Variants in PTPRS observed in about 807,000 individuals in gnomAD.
PTPRS encodes protein tyrosine phosphatase receptor type S.
Under a neutral mutation model 215.3 loss-of-function variants are expected in PTPRS, and 63 were observed. The observed-to-expected ratio is 0.29, with a 90% CI of 0.24 to 0.36. The LOEUF is 0.36. Ranked by LOEUF, PTPRS falls within the 10% of genes least tolerant of loss-of-function variation. PTPRS has a pLI of 1.00. For missense variants in PTPRS, 2,258 were observed against 2,825.8 expected (o/e 0.80, Z 4.56); for synonymous variants, 1,404 against 1,191.4 (o/e 1.18, Z -3.68).
chr19:5,313,771 C>T (rs895126527), intron 1 of PTPRS, among the ~76,000 whole-genome samples: 1 of 152,016 alleles, frequency 6.6e-6, no homozygotes, highest in Non-Finnish European at 1.5e-5. Context: ...TCAATCCATG[C>T]TTAAGAAGAA....
chr19:5,251,362 C>T (rs896264625), intron 9 of PTPRS, among the ~76,000 whole-genome samples: 1 of 151,634 alleles, frequency 6.6e-6, no homozygotes, highest in African/African-American at 2.4e-5. Flanking sequence ...CCCTGGCCCA[C>T]GGGCTGACCA....
rs751227554 is a variant in PTPRS, at chr19:5,214,542, C to T, written c.4494+19G>A. On this transcript the variant is annotated intron_variant, in intron 29 of 37. Coordinates refer to ENST00000262963, the MANE Select transcript of PTPRS (RefSeq NM_002850.4). ...GGCTGACTGGCAGGGGCTTGAGGGC[C>T]GTGGGGTCCAAGGCTCACCCGTGAC... 4.5e-5 allele frequency: 73 copies of T among 1,611,864 alleles called. No individual in the cohort carries two copies. Among genetic ancestry groups the T allele is most frequent in the Admixed American group, 1.2e-4 (7 of 59,978 alleles).
chr19:5,305,039 A>G (rs2049434531), intron 1 of PTPRS, among the ~76,000 whole-genome samples: 2 of 149,874 alleles, frequency 1.3e-5, no homozygotes, highest in African/African-American at 5.1e-5. Context: ...CCAAGCTCTC[A>G]GGTCCTGGGT....
At chr19:5,272,237 A>G (rs1227331411) in intron 4 of PTPRS, among the ~76,000 whole-genome samples, 1 of 152,082 alleles carries the variant, frequency 6.6e-6, no homozygotes, top group African/African-American at 2.4e-5. Flanking sequence ...TGTTCACAAA[A>G]TTGCTTCCTC....
chr19:5,323,659 G>A (rs1450726845), intron 1 of PTPRS, among the ~76,000 whole-genome samples: 1 of 152,258 alleles, frequency 6.6e-6, no homozygotes, highest in African/African-American at 2.4e-5. Context: ...GTGAGGACGG[G>A]GAGAGAGGAA....
chr19:5,313,962 A>C (rs1230531049), intron 1 of PTPRS, among the ~76,000 whole-genome samples: 1 of 150,920 alleles, frequency 6.6e-6, no homozygotes, highest in Non-Finnish European at 1.5e-5. Context: ...TAATAATAAT[A>C]ATAATAATAA....
intron 7 of PTPRS, among the ~76,000 whole-genome samples, chr19:5,260,455 C>T (rs55747263): frequency 0.15 from 23,393 of 152,186 alleles, 2,233 homozygotes; most frequent in Non-Finnish European, 0.21. Flanking sequence ...GCTGGGATTA[C>T]AGGCGTGAAC....
intron 1 of PTPRS, among the ~76,000 whole-genome samples, chr19:5,306,835 A>G (rs181526318): frequency 4.6e-4 from 70 of 152,316 alleles, no homozygotes; most frequent in African/African-American, 1.4e-3. Context: ...CGAGGAGACA[A>G]TTGGCTATTA....
chr19:5,302,189 C>T (rs996064446), intron 1 of PTPRS, among the ~76,000 whole-genome samples: 2 of 151,914 alleles, frequency 1.3e-5, no homozygotes, highest in African/African-American at 4.8e-5. Flanking sequence ...CAAAGAGAGA[C>T]CCCCGTCTCT....
chr19:5,266,336 C>T (rs1408565581), intron 4 of PTPRS, among the ~76,000 whole-genome samples: 1 of 152,054 alleles, frequency 6.6e-6, no homozygotes. Context: ...CCAGATTGGT[C>T]TCGACCTCCT....
chr19:5,307,407 G>A (rs550052997), intron 1 of PTPRS, among the ~76,000 whole-genome samples: 1 of 146,016 alleles, frequency 6.8e-6, no homozygotes, highest in South Asian at 2.1e-4. Flanking sequence ...TTAGTGTTAT[G>A]AGATCAGTAT....
intron 2 of PTPRS, among the ~76,000 whole-genome samples, chr19:5,275,338 G>A (rs959598039): frequency 4.0e-5 from 6 of 151,840 alleles, no homozygotes; most frequent in African/African-American, 7.2e-5. Flanking sequence ...CCAAAGTGCT[G>A]GGATTACAGG....
At chr19:5,246,670 G>A (rs2044513534) in intron 9 of PTPRS, among the ~76,000 whole-genome samples, 1 of 152,212 alleles carries the variant, frequency 6.6e-6, no homozygotes, top group Non-Finnish European at 1.5e-5. Context: ...GGAGACAGAG[G>A]GAGCCTGAGA....
intron 1 of PTPRS, among the ~76,000 whole-genome samples, chr19:5,306,227 C>A (rs944792789): frequency 6.6e-6 from 1 of 151,426 alleles, no homozygotes; most frequent in Non-Finnish European, 1.5e-5. Context: ...TCACTGCAAC[C>A]TCCGCTTCCT....
chr19:5,290,729 A>G (rs1387073233), intron 1 of PTPRS, among the ~76,000 whole-genome samples: 3 of 151,998 alleles, frequency 2.0e-5, no homozygotes, highest in Admixed American at 6.5e-5. Context: ...GGGCAGGAGA[A>G]GCTGAGGCTG....
chr19:5,212,395 G>A lies in PTPRS; in HGVS notation c.4711C>T (p.Leu1571=). Residue 1571 remains leucine, a synonymous_variant, in exon 31 of 38, where the codon CTG becomes TTG. Coordinates refer to ENST00000262963, the MANE Select transcript of PTPRS (RefSeq NM_002850.4). ...PEYPTPFLAF[L]RRVKTCNPPD... ...GGGTTGCAGGTCTTGACTCTCCGCA[G>A]GAAAGCCAGGAAGGGCGTTGGGTAT... is the stretch of plus-strand genomic sequence containing the variant. The A allele has an allele frequency of 6.2e-7, 1 of 1,607,112 alleles. No homozygotes were observed. Among genetic ancestry groups the A allele is most frequent in the Admixed American group, 1.7e-5 (1 of 58,892 alleles).
chr19:5,212,305 G>A lies in PTPRS; in HGVS notation c.4769+32C>T, dbSNP rs201165007. The A allele has an allele frequency of 5.5e-5, 89 of 1,609,968 alleles. 1 individual carries two copies. The highest frequency in any genetic ancestry group is 7.6e-5 in the Non-Finnish European group (89 of 1,177,012). ...GCTGCTGGGCTGCGGGGACCGGGGGGAAGCGGATGGGGCAGAGTGGGGTGG... is the reference window on the plus strand; with the variant it reads ...GCTGCTGGGCTGCGGGGACCGGGGGAAAGCGGATGGGGCAGAGTGGGGTGG... On this transcript the variant is annotated intron_variant, in intron 31 of 37. Coordinates refer to ENST00000262963, the MANE Select transcript of PTPRS (RefSeq NM_002850.4).
chr19:5,318,166 G>A (rs558031909), intron 1 of PTPRS, among the ~76,000 whole-genome samples: 10 of 149,014 alleles, frequency 6.7e-5, no homozygotes, highest in South Asian at 2.1e-4. Context: ...GCGAGACTCC[G>A]TCTCCAAAAA....
chr19:5,262,678 T>A (rs1285229201), intron 6 of PTPRS, among the ~76,000 whole-genome samples: 2 of 152,192 alleles, frequency 1.3e-5, no homozygotes, highest in African/African-American at 4.8e-5. Flanking sequence ...CAGCCTGCAT[T>A]TTGAGGTCTG....
Sources: gnomAD v4.1 joint callset for allele counts (sites outside exome capture counted in the v4.1 genomes callset) on GRCh38, gnomAD v4.1.1 for gene constraint, MANE v1.5 for transcripts, NCBI Gene and HGNC (gene_info 2026-07-23, HGNC 2026-07-21) for gene names.